Variants in ARID1A observed in about 807,000 individuals in gnomAD.
ARID1A encodes the protein AT-rich interaction domain 1A.
Under a neutral mutation model 212.6 loss-of-function variants are expected in ARID1A, and 20 were observed. That is an observed-to-expected ratio of 0.09 (90% CI 0.07 to 0.14). The LOEUF (loss-of-function observed/expected upper bound fraction) is 0.14, where lower values mean the gene tolerates loss of function less well. ARID1A is among the 10% of genes least tolerant of loss of function. The pLI is 1.00. For missense variants in ARID1A, 2,587 were observed against 3,059.0 expected (o/e 0.85, Z 3.64); for synonymous variants, 1,376 against 1,222.1 (o/e 1.13, Z -2.63).
At chr1:26,769,412 C>T (rs2081065486) in intron 11 of ARID1A, 1 of 152,222 alleles carries the variant, frequency 6.6e-6, no homozygotes, top group Non-Finnish European at 1.5e-5. Context: ...TCCAAGAAAG[C>T]AAAGCTGAAT....
intron 5 of ARID1A, 97 bp from the exon 6 acceptor site, chr1:26,761,287 G>T: frequency 6.7e-7 from 1 of 1,495,420 alleles, no homozygotes; most frequent in Non-Finnish European, 9.2e-7. Context: ...GAGGTACTTG[G>T]CCTCTTCATG....
In ARID1A at chr1:26,780,069, G is replaced by T. The variant is rs1266082444; in HGVS notation, c.6171G>T (p.Arg2057=). ...GGTGGGACTGCTTGGAGATGCTCCG[G>T]GAAAACACCTTGGTTACACTCGCCA... The part of the protein sequence containing the change: ...EWWWDCLEML[R]ENTLVTLANI... The change falls in exon 20 of 20, where the codon CGG becomes CGT. Residue 2057 remains arginine, a synonymous_variant. Transcript: ENST00000324856. The surrounding 1 kb of genome is among the most constrained non-coding windows in gnomAD (Gnocchi z 7.2). 1 of 1,614,000 alleles carries T rather than the reference G, an allele frequency of 6.2e-7. No homozygotes were observed. Among genetic ancestry groups the T allele is most frequent in the Non-Finnish European group, 8.5e-7 (1 of 1,180,024 alleles).
intron 4 of ARID1A, among the ~76,000 whole-genome samples, chr1:26,751,515 A>G (rs1412178376): frequency 6.6e-6 from 1 of 151,852 alleles, no homozygotes; most frequent in East Asian, 1.9e-4. Flanking sequence ...TTTGAACCTC[A>G]GGTCTATTTA....
At chr1:26,762,886 A>G (rs1287708414) in intron 7 of ARID1A, 87 bp from the exon 8 acceptor site, 5 of 1,286,330 alleles carry the variant, frequency 3.9e-6, no homozygotes, top group Non-Finnish European at 5.3e-6. Flanking sequence ...AAAATATTGA[A>G]TGACATTGTT....
At chr1:26,758,526 A>G (rs2124045448) in intron 4 of ARID1A, among the ~76,000 whole-genome samples, 1 of 152,044 alleles carries the variant, frequency 6.6e-6, no homozygotes, top group Non-Finnish European at 1.5e-5. Context: ...GGCTGAGGTA[A>G]GAGGATCACT....
In ARID1A at chr1:26,696,258, G is replaced by GAGCGC. The variant is rs1248245065; in HGVS notation, c.-137_-133dup. The GAGCGC allele has an allele frequency of 9.8e-7, 1 of 1,015,338 alleles. No homozygotes were observed. The highest frequency in any genetic ancestry group is 1.2e-6 in the Non-Finnish European group (1 of 807,188). The allele number at this position is 1,015,338 out of a possible 1,614,324, so 62.9% of individuals were successfully genotyped here. ...CCGGCGGGGCGGGGGGGAGAGGAGCGAGCGCAGCGCAGCAGCGGAGCCCCG... is the reference window on the plus strand; with the variant it reads ...CCGGCGGGGCGGGGGGGAGAGGAGCGAGCGCAGCGCAGCGCAGCAGCGGAGCCCCG... On this transcript the variant is annotated 5_prime_UTR_variant, in exon 1 of 20. Transcript: ENST00000324856.
chr1:26,760,273 C>T (rs1466562139), intron 4 of ARID1A, among the ~76,000 whole-genome samples: 1 of 152,186 alleles, frequency 6.6e-6, no homozygotes, highest in African/African-American at 2.4e-5. Context: ...TGTATATTGT[C>T]TGACTACTGT....
intron 1 of ARID1A, among the ~76,000 whole-genome samples, chr1:26,713,473 C>T (rs942682453): frequency 1.3e-5 from 2 of 151,932 alleles, no homozygotes; most frequent in African/African-American, 4.8e-5. Flanking sequence ...ATTCTCTTGC[C>T]TCAGCCTCCC....
At chr1:26,710,584 C>T (rs1349815447) in intron 1 of ARID1A, among the ~76,000 whole-genome samples, 3 of 150,812 alleles carry the variant, frequency 2.0e-5, no homozygotes. Flanking sequence ...AGTGTGGTCC[C>T]TAGCCACCAG....
chr1:26,741,990 GAT>G (rs2080792353), intron 4 of ARID1A, among the ~76,000 whole-genome samples: 1 of 152,162 alleles, frequency 6.6e-6, no homozygotes, highest in Non-Finnish European at 1.5e-5. Context: ...ATTCTGAAAA[GAT>G]AGGAATTGGA....
At chr1:26,703,669 G>A (rs1570547772) in intron 1 of ARID1A, among the ~76,000 whole-genome samples, 1 of 152,204 alleles carries the variant, frequency 6.6e-6, no homozygotes, top group East Asian at 1.9e-4. Flanking sequence ...TTCCCAGTAT[G>A]TTGGTAGTGA....
intron 1 of ARID1A, among the ~76,000 whole-genome samples, chr1:26,723,838 G>A (rs926824512): frequency 2.6e-5 from 4 of 151,884 alleles, no homozygotes; most frequent in Non-Finnish European, 4.4e-5. Flanking sequence ...AACCACTCGC[G>A]CTCTCATACT....
chr1:26,731,080 C>A, intron 2 of ARID1A, 72 bp from the exon 3 acceptor site: 2 of 1,472,344 alleles, frequency 1.4e-6, no homozygotes, highest in Non-Finnish European at 1.9e-6. Context: ...CAGTGCATAG[C>A]TTCTCACAAA....
rs759873212 is a variant in ARID1A at position 26,773,677 on chromosome 1, A to G, written c.3964A>G (p.Ser1322Gly). 39 of 1,613,998 alleles carry G rather than the reference A, an allele frequency of 2.4e-5. No homozygotes were observed. The highest frequency in any genetic ancestry group is 2.8e-5 in the Non-Finnish European group (33 of 1,180,032). ...CCCAGACTCGGGGATGTATTCTCCT[A>G]GCCGCTACCCCCCGCAGCAGCAGCA... ...SNPDSGMYSP[S>G]RYPPQQQQQQ... The change falls in exon 16 of 20, where the codon AGC becomes GGC. Residue 1322 changes from serine to glycine, a missense_variant. Physicochemically the swap from Ser to Gly is moderately conservative, Grantham distance 56 (BLOSUM62 0). Transcript: ENST00000324856.
intron 11 of ARID1A, chr1:26,770,343 C>T (rs1246745252): frequency 6.6e-6 from 1 of 152,108 alleles, no homozygotes; most frequent in South Asian, 2.1e-4. Flanking sequence ...CAGGGAGCCA[C>T]CACCCCAAGA....
At chr1:26,747,036 G>C (rs987429070) in intron 4 of ARID1A, among the ~76,000 whole-genome samples, 8 of 151,878 alleles carry the variant, frequency 5.3e-5, no homozygotes, top group African/African-American at 1.9e-4. Flanking sequence ...GTAAGACTCC[G>C]TGTCAAAAAA....
intron 1 of ARID1A, among the ~76,000 whole-genome samples, chr1:26,710,527 A>ACACACACACACACC (rs915474721): frequency 3.9e-4 from 59 of 150,496 alleles, no homozygotes; most frequent in African/African-American, 1.4e-3. Flanking sequence ...ACACACACAC[A>ACACACACACACACC]CCACTTGTTG....
intron 1 of ARID1A, among the ~76,000 whole-genome samples, chr1:26,700,015 C>G (rs1160444873): frequency 6.6e-6 from 1 of 152,136 alleles, no homozygotes; most frequent in Non-Finnish European, 1.5e-5. Context: ...TCACTAGACC[C>G]ACACAACATA....
At chr1:26,772,327 A>T in intron 12 of ARID1A, 173 bp from the exon 13 acceptor site, 1 of 905,832 alleles carries the variant, frequency 1.1e-6, no homozygotes, top group Non-Finnish European at 1.7e-6. Context: ...CAAAACCCTC[A>T]GATTCCCGTC....
Sources: allele counts gnomAD v4.1 joint callset (sites outside exome capture counted in the v4.1 genomes callset), GRCh38; gene constraint gnomAD v4.1.1; non-coding constraint Gnocchi (gnomAD v3.1); transcripts MANE v1.5; gene names NCBI Gene and HGNC (gene_info 2026-07-23, HGNC 2026-07-21).